The following NBEAL2 variants were observed in gnomAD, a reference collection of about 807,000 sequenced individuals.
The protein encoded by NBEAL2 is neurobeachin like 2.
In NBEAL2, 160 loss-of-function variants were observed where a neutral mutation model predicts 299.8. The ratio of observed to expected loss-of-function variants is 0.53; its 90% confidence interval spans 0.47 to 0.61. The LOEUF (loss-of-function observed/expected upper bound fraction) is 0.61, where lower values mean the gene tolerates loss of function less well. NBEAL2 is among the 20% of genes least tolerant of loss of function. The pLI is 0.00. For missense variants in NBEAL2, 3,112 were observed against 3,649.0 expected (o/e 0.85, Z 3.79); for synonymous variants, 1,493 against 1,542.3 (o/e 0.97, Z 0.75).
chr3:47,000,030 A>C lies in NBEAL2; in HGVS notation c.3931A>C (p.Thr1311Pro). The change falls in exon 27 of 54, where the codon ACC (threonine) becomes CCC (proline). Residue 1311 changes from threonine (T) to proline (P), a missense_variant. Around this residue, in one of 3 missense-constraint regions of NBEAL2, gnomAD observed 2,243 missense variants for 2,538.1 expected, o/e 0.88. Coordinates refer to ENST00000450053, the MANE Select transcript of NBEAL2 (RefSeq NM_015175.3). This position sits in a 1 kb window ranked among gnomAD's most constrained non-coding sequence, Gnocchi z 4.5. ...SPPPSSPESP[T>P]SPKPAPPKPP... Reference sequence around the variant, plus strand: ...CCCTCCGTCTTCCCCAGAGTCACCTACCTCCCCCAAGCCAGCCCCACCCAA... The same window carrying C: ...CCCTCCGTCTTCCCCAGAGTCACCTCCCTCCCCCAAGCCAGCCCCACCCAA... 6.2e-7 allele frequency: 1 copy of C among 1,610,058 alleles called. No homozygotes were observed. The highest frequency in any genetic ancestry group is 8.5e-7 in the Non-Finnish European group (1 of 1,179,180).
In NBEAL2 at chr3:47,004,683, C is replaced by A; in HGVS notation, c.6294+93C>A. The A allele has an allele frequency of 7.4e-7, 1 of 1,347,168 alleles. No homozygotes were observed. The highest frequency in any genetic ancestry group is 1.8e-5 in the Admixed American group (1 of 57,000). The allele number at this position is 1,347,168 out of a possible 1,614,324, so 83.5% of individuals were successfully genotyped here. A position where few individuals can be genotyped will look rare whatever the true frequency, so the allele number is the denominator to read the frequency against. On this transcript the variant is annotated intron_variant, in intron 38 of 53. Transcript: ENST00000450053. This position sits in a 1 kb window ranked among gnomAD's most constrained non-coding sequence, Gnocchi z 5.0. ...TGTAGGTACCTGCCAGTGGGCCAAG[C>A]TCTGAGCTTGGTCAAGGGTAGATGT... is the stretch of plus-strand genomic sequence containing the variant.
At position 46,997,369 on chromosome 3, in the gene NBEAL2, G is replaced by A; in HGVS notation, c.2760G>A (p.Val920=). 6.2e-7 allele frequency: 1 copy of A among 1,612,166 alleles called. No homozygotes were observed. Among genetic ancestry groups the A allele is most frequent in the Non-Finnish European group, 8.5e-7 (1 of 1,179,750 alleles). Residue 920 remains valine, a synonymous_variant, in exon 19 of 54, where the codon GTG becomes GTA. Transcript: ENST00000450053. The stretch of plus-strand genomic sequence containing the variant: ...GTCCAGCTGAAACGCATGACCTCGT[G>A]GGTCCTGAACTGACCTCTGGTCACA... The part of the protein sequence containing the change: ...EAGPAETHDL[V]GPELTSGHNT...
In NBEAL2 at chr3:47,004,578, T is replaced by C. The variant is rs368427850; in HGVS notation, c.6282T>C (p.Ser2094=). The part of the protein sequence containing the change: ...TIAGRTYNDL[S]QYPVFPWVLQ... The stretch of plus-strand genomic sequence containing the variant: ...CGGGGCGGACCTACAATGACCTGTC[T>C]CAGTACCCTGTGGTGAGGGTCCCAC... The change falls in exon 38 of 54, where the codon TCT becomes TCC. Residue 2094 remains serine (S), a synonymous_variant. Coordinates refer to ENST00000450053, the MANE Select transcript of NBEAL2 (RefSeq NM_015175.3). The surrounding 1 kb of genome is among the most constrained non-coding windows in gnomAD (Gnocchi z 5.0). 123 of 1,613,486 alleles carry C rather than the reference T, an allele frequency of 7.6e-5. No homozygotes were observed. Among genetic ancestry groups the C allele is most frequent in the Non-Finnish European group, 9.9e-5 (117 of 1,179,760 alleles).
chr3:47,003,851 A>G lies in NBEAL2; in HGVS notation c.5756A>G (p.Lys1919Arg). Residue 1919 changes from lysine (K) to arginine (R), a missense_variant, in exon 36 of 54, where the codon AAG becomes AGG. Physicochemically the swap from Lys to Arg is conservative, Grantham distance 26 (BLOSUM62 2). Transcript: ENST00000450053. The surrounding 1 kb of genome is among the most constrained non-coding windows in gnomAD (Gnocchi z 7.0). ...GCAGAACTGGATGAGCAGCGTGAGA[A>G]GCTGGTGCTGTCGGCCGAGTGCCAG... ...EAAELDEQRE[K>R]LVLSAECQLV... 6.2e-7 allele frequency: 1 copy of G among 1,612,438 alleles called. No homozygotes were observed. The highest frequency in any genetic ancestry group is 8.5e-7 in the Non-Finnish European group (1 of 1,179,174).
chr3:46,984,283 G>A (rs574920615), intron 1 of NBEAL2, among the ~76,000 whole-genome samples: 2 of 152,172 alleles, frequency 1.3e-5, no homozygotes, highest in Admixed American at 6.5e-5. Context: ...TCCAGCCTGG[G>A]CCGGCGACAG....
intron 24 of NBEAL2, 47 bp downstream of exon 24, chr3:46,999,164 C>A: frequency 6.5e-7 from 1 of 1,547,738 alleles, no homozygotes; most frequent in South Asian, 1.2e-5. Flanking sequence ...CACTGGGGCC[C>A]CTGCCTGGGG....
chr3:46,996,845 C>T lies in NBEAL2; in HGVS notation c.2556+12C>T. ...ATTACTCACCTCAGGTATTTGGGGG[C>T]CCCAGGGGAGTGGTTGGCTCGACTG... On this transcript the variant is annotated intron_variant, in intron 17 of 53. Coordinates refer to ENST00000450053, the MANE Select transcript of NBEAL2 (RefSeq NM_015175.3). The T allele has an allele frequency of 6.2e-6, 10 of 1,612,212 alleles. No individual in the cohort carries two copies. The highest frequency in any genetic ancestry group is 8.5e-6 in the Non-Finnish European group (10 of 1,179,510).
At position 47,008,370 on chromosome 3, in the gene NBEAL2, T is replaced by G; in HGVS notation, c.7807T>G (p.Phe2603Val). ...PLGATFPGPI[F>V]HLALGSEGQI... ...GGGTGCCACATTCCCTGGACCTATT[T>G]TCCACCTGGCATTGGGGTCCGAAGG... Residue 2603 changes from phenylalanine to valine, a missense_variant, in exon 51 of 54, where the codon TTC becomes GTC. This residue lies in a region of NBEAL2 where 348 missense variants were observed against 381.4 expected (regional missense o/e 0.91). Transcript: ENST00000450053. The G allele has an allele frequency of 6.2e-7, 1 of 1,613,864 alleles. No individual in the cohort carries two copies. Among genetic ancestry groups the G allele is most frequent in the Non-Finnish European group, 8.5e-7 (1 of 1,179,808 alleles).
chr3:47,009,593 C>T lies in NBEAL2; in HGVS notation c.*273C>T, dbSNP rs1244665686. The T allele has an allele frequency of 4.3e-6, 2 of 466,994 alleles. No homozygotes were observed. Among genetic ancestry groups the T allele is most frequent in the East Asian group, 3.6e-5 (1 of 27,480 alleles). The allele number at this position is 466,994 out of a possible 1,614,324, so 28.9% of individuals were successfully genotyped here. ...TTGCACAGTCTGGGGCGGGGTTCCC[C>T]GGCTTCCAAGTCGCTGTTTCGTCAA... On this transcript the variant is annotated 3_prime_UTR_variant, in exon 54 of 54. Coordinates refer to ENST00000450053, the MANE Select transcript of NBEAL2 (RefSeq NM_015175.3).
chr3:46,989,254 C>T lies in NBEAL2; in HGVS notation c.352-6C>T. On this transcript the variant is annotated splice_region_variant and splice_polypyrimidine_tract_variant and intron_variant, in intron 4 of 53. Coordinates refer to ENST00000450053, the MANE Select transcript of NBEAL2 (RefSeq NM_015175.3). This position sits in a 1 kb window ranked among gnomAD's most constrained non-coding sequence, Gnocchi z 5.5. ...CGGGGCTAACCCTCTCTCCCCACACCTACAGCTGAAAGGATGCCCACCACC... is the reference window on the plus strand; with the variant it reads ...CGGGGCTAACCCTCTCTCCCCACACTTACAGCTGAAAGGATGCCCACCACC... The T allele has an allele frequency of 6.2e-7, 1 of 1,612,240 alleles. No homozygotes were observed. Among genetic ancestry groups the T allele is most frequent in the Non-Finnish European group, 8.5e-7 (1 of 1,179,172 alleles).
chr3:47,004,134 G>A lies in NBEAL2; in HGVS notation c.5939G>A (p.Arg1980His), dbSNP rs774364793. ...LAQLREVHLR[R>H]FNLRRSALEL... ...CAGCTGCGTGAGGTCCACCTGCGGC[G>A]TTTCAACCTGCGCCGTTCAGCACTT... The change falls in exon 37 of 54, where the codon CGT becomes CAT. Residue 1980 changes from arginine (R) to histidine (H), a missense_variant. Around this residue, in one of 3 missense-constraint regions of NBEAL2, gnomAD observed 521 missense variants for 729.6 expected, o/e 0.71. Transcript: ENST00000450053. The surrounding 1 kb of genome is among the most constrained non-coding windows in gnomAD (Gnocchi z 5.0). The A allele has an allele frequency of 1.9e-6, 3 of 1,613,638 alleles. No individual in the cohort carries two copies. The highest frequency in any genetic ancestry group is 2.5e-6 in the Non-Finnish European group (3 of 1,179,776).
At position 46,998,246 on chromosome 3, in the gene NBEAL2, C is replaced by A; in HGVS notation, c.3118+20C>A. The stretch of plus-strand genomic sequence containing the variant: ...GCCTCGGTAGGTGTGAGGACCTGAG[C>A]AAGGGGCCGGCCATAGGGCAGCTGA... On this transcript the variant is annotated intron_variant, in intron 21 of 53. Coordinates refer to ENST00000450053, the MANE Select transcript of NBEAL2 (RefSeq NM_015175.3). 1 of 1,604,452 alleles carries A rather than the reference C, an allele frequency of 6.2e-7. No homozygotes were observed. Among genetic ancestry groups the A allele is most frequent in the Admixed American group, 1.7e-5 (1 of 58,734 alleles).
intron 17 of NBEAL2, 42 bp from the exon 18 acceptor site, chr3:46,996,912 C>T (rs1272390175): frequency 1.9e-6 from 3 of 1,609,730 alleles, no homozygotes; most frequent in South Asian, 2.2e-5. Flanking sequence ...CCACCCCCTC[C>T]TCCCTCTGAC....
Position 47,002,771 on chromosome 3 carries a change from C to G in NBEAL2, c.5428C>G (p.Leu1810Val). ...GCACTGGGGGGCGCTGTGGCGCCAG[C>G]TCGCCAGCCCATGTGGGGCCTGGGC... ...LLHWGALWRQ[L>V]ASPCGAWALR... Residue 1810 changes from leucine to valine, a missense_variant, in exon 33 of 54, where the codon CTC becomes GTC. Coordinates refer to ENST00000450053, the MANE Select transcript of NBEAL2 (RefSeq NM_015175.3). The G allele has an allele frequency of 6.4e-7, 1 of 1,565,112 alleles. No individual in the cohort carries two copies.
intron 32 of NBEAL2, 51 bp downstream of exon 32, chr3:47,002,571 G>A (rs1391361060): frequency 6.2e-7 from 1 of 1,609,466 alleles, no homozygotes; most frequent in Non-Finnish European, 8.5e-7. Context: ...ATGCACCCAG[G>A]AGATGACTGA....
intron 6 of NBEAL2, among the ~76,000 whole-genome samples, chr3:46,990,087 C>G (rs1293311629): frequency 6.6e-6 from 1 of 152,108 alleles, no homozygotes; most frequent in Non-Finnish European, 1.5e-5. Context: ...CCTCTCTCCT[C>G]TCATTGGAGG....
rs2036714774 is a variant in NBEAL2 at position 46,998,796 on chromosome 3, C to A, written c.3301C>A (p.Leu1101Met). 6.4e-7 allele frequency: 1 copy of A among 1,566,592 alleles called. No homozygotes were observed. The highest frequency in any genetic ancestry group is 8.7e-7 in the Non-Finnish European group (1 of 1,155,848). The change falls in exon 23 of 54, where the codon CTG becomes ATG. Residue 1101 changes from leucine to methionine, a missense_variant. Leu to Met is a conservative substitution (Grantham distance 15). Transcript: ENST00000450053. ...CCTCCTGGGCCTGGCGAGGGAGTTC[C>A]TGGTGCGGAGTCTCTCAGCAGATGA... is the stretch of plus-strand genomic sequence containing the variant. ...TSLLGLAREF[L>M]VRSLSADDVQ... is the part of the protein sequence containing the mutation.
Position 46,999,450 on chromosome 3 carries a change from C to A in NBEAL2, c.3679C>A (p.Leu1227Ile). ...TGTTTCCCCCCAGCTCTGCCAGGGCCTCTACAAGCTGTTCCTGGGGGCAGG... is the reference window on the plus strand; with the variant it reads ...TGTTTCCCCCCAGCTCTGCCAGGGCATCTACAAGCTGTTCCTGGGGGCAGG... ...GTVSPQLCQG[L>I]YKLFLGADCL... Residue 1227 changes from leucine to isoleucine, a missense_variant, in exon 25 of 54, where the codon CTC (leucine) becomes ATC (isoleucine). Leu to Ile is a conservative substitution (Grantham distance 5). Coordinates refer to ENST00000450053, the MANE Select transcript of NBEAL2 (RefSeq NM_015175.3). 1 of 1,581,342 alleles carries A rather than the reference C, an allele frequency of 6.3e-7. No individual in the cohort carries two copies. Among genetic ancestry groups the A allele is most frequent in the Non-Finnish European group, 8.6e-7 (1 of 1,163,914 alleles).
At position 47,002,171 on chromosome 3, in the gene NBEAL2, G is replaced by A. The variant is rs368414682; in HGVS notation, c.5034G>A (p.Pro1678=). 149 of 1,532,494 alleles carry A rather than the reference G, an allele frequency of 9.7e-5. 1 individual carries two copies. The South Asian group carries it at 1.2e-3, about 12-fold the overall frequency. The allele number at this position is 1,532,494 out of a possible 1,614,324, so 94.9% of individuals were successfully genotyped here. The change falls in exon 31 of 54, where the codon CCG becomes CCA. Residue 1678 remains proline, a synonymous_variant. Coordinates refer to ENST00000450053, the MANE Select transcript of NBEAL2 (RefSeq NM_015175.3). The part of the protein sequence containing the change: ...VRTLLDRAYE[P]LGLQWGLPSL... Reference sequence around the variant, plus strand: ...CGCTGCTAGACCGTGCCTATGAGCCGCTGGGGCTGCAGTGGGGACTGCCCT... The same window carrying A: ...CGCTGCTAGACCGTGCCTATGAGCCACTGGGGCTGCAGTGGGGACTGCCCT...
Sources: allele counts gnomAD v4.1 joint callset (sites outside exome capture counted in the v4.1 genomes callset), GRCh38; gene constraint gnomAD v4.1.1; regional missense constraint gnomAD v4.1.1; non-coding constraint Gnocchi (gnomAD v3.1); transcripts MANE v1.5; gene names NCBI Gene and HGNC (gene_info 2026-07-23, HGNC 2026-07-21).